DCAF4: variants seen among roughly 807,000 people sequenced by gnomAD.
The protein encoded by DCAF4 is DDB1 and CUL4 associated factor 4, also known as DDB1- and CUL4-associated factor 4.
In DCAF4, 37 loss-of-function variants were observed where a neutral mutation model predicts 60.9. The ratio of observed to expected loss-of-function variants is 0.61; its 90% CI spans 0.47 to 0.80. DCAF4 has a LOEUF of 0.80. Ranked by LOEUF, DCAF4 falls within the 30% of genes least tolerant of loss-of-function variation. The pLI is 0.00. For missense variants in DCAF4, 577 were observed against 650.0 expected (o/e 0.89, Z 1.22); for synonymous variants, 243 against 254.8 (o/e 0.95, Z 0.44).
At chr14:72,943,227 G>T (rs773476355) in intron 6 of DCAF4, 131 bp downstream of exon 6, 2 of 803,490 alleles carry the variant, frequency 2.5e-6, no homozygotes, top group Non-Finnish European at 4.0e-6. Context: ...CATCTTCTTG[G>T]TTGTACGATT....
downstream of DCAF4, chr14:72,960,678 C>G (rs1231840475): frequency 2.8e-6 from 3 of 1,065,300 alleles, no homozygotes; most frequent in African/African-American, 5.1e-5. Context: ...GATACCTCAA[C>G]AGGAGAAGTT....
At position 72,959,664 on chromosome 14, in the gene DCAF4, C is replaced by T; in HGVS notation, c.*859C>T. The T allele has an allele frequency of 1.0e-6, 1 of 985,380 alleles. No individual in the cohort carries two copies. 61.0% of individuals were successfully genotyped at this position (985,380 alleles called of 1,614,324 possible). A position where few individuals can be genotyped will look rare whatever the true frequency, so the allele number is the denominator to read the frequency against. ...GAGAAGAATCATGGTGTGACATGCA[C>T]TTCTGTGAATGACTTAGGAGATCAT... On this transcript the variant is annotated 3_prime_UTR_variant, in exon 14 of 14. Transcript: ENST00000358377.
At chr14:72,940,181 A>C in intron 3 of DCAF4, 39 bp from the exon 4 acceptor site, 1 of 1,613,184 alleles carries the variant, frequency 6.2e-7, no homozygotes, top group Middle Eastern at 1.7e-4. Flanking sequence ...GTCAGTTCAC[A>C]GTGGTTGAAA....
intron 1 of DCAF4, chr14:72,929,848 C>CG (rs758696428): frequency 9.6e-5 from 141 of 1,461,892 alleles, no homozygotes; most frequent in Non-Finnish European, 1.2e-4. Context: ...CCCGCGGCGG[C>CG]GGCTGTGCCT....
chr14:72,929,855 G>T (rs1481292864), intron 1 of DCAF4: 2 of 1,474,540 alleles, frequency 1.4e-6, no homozygotes, highest in African/African-American at 1.4e-5. Flanking sequence ...CGGCGGCTGT[G>T]CCTGGGCTTG....
At chr14:72,933,712 C>G (rs1429376525) in intron 1 of DCAF4, among the ~76,000 whole-genome samples, 1 of 152,176 alleles carries the variant, frequency 6.6e-6, no homozygotes, top group Non-Finnish European at 1.5e-5. Context: ...TTTCCCATTG[C>G]CTGCATCTTG....
rs538490282 is a variant in DCAF4, at chr14:72,951,962, G to A, written c.808+85G>A. On this transcript the variant is annotated intron_variant, in intron 9 of 13. Coordinates refer to ENST00000358377, the MANE Select transcript of DCAF4 (RefSeq NM_015604.4). ...GTGGCTTAGAGAGAAGTATGGGGCC[G>A]CTGCAGAGGCACTGTGGGAGGATTC... The A allele has an allele frequency of 3.6e-5, 50 of 1,383,364 alleles. 1 individual carries two copies. Among genetic ancestry groups the A allele is most frequent in the South Asian group, 8.1e-5 (7 of 85,944 alleles). 85.7% of individuals were successfully genotyped at this position (1,383,364 alleles called of 1,614,324 possible). A position where few individuals can be genotyped will look rare whatever the true frequency, so the allele number is the denominator to read the frequency against.
intron 7 of DCAF4, 29 bp from the exon 8 acceptor site, chr14:72,947,113 T>G (rs763273520): frequency 1.2e-6 from 2 of 1,614,122 alleles, no homozygotes; most frequent in Admixed American, 3.3e-5. Context: ...TAGAATAACT[T>G]TCCATCTCGC....
intron 13 of DCAF4, chr14:72,957,770 G>A (rs1892494810): frequency 6.6e-6 from 1 of 152,212 alleles, no homozygotes; most frequent in African/African-American, 2.4e-5. Context: ...TCACAAATGT[G>A]AAATCCATGA....
At chr14:72,929,949 C>T (rs1888316329) in intron 1 of DCAF4, 2 of 908,822 alleles carry the variant, frequency 2.2e-6, no homozygotes, top group South Asian at 1.5e-5. Flanking sequence ...CTCTCCATGG[C>T]GGCCGTGGCG....
chr14:72,946,683 G>A (rs1032067372), intron 7 of DCAF4, among the ~76,000 whole-genome samples: 4 of 152,154 alleles, frequency 2.6e-5, no homozygotes, highest in African/African-American at 7.2e-5. Context: ...CAGCCAGGCC[G>A]CAGCCAGCAC....
rs755635989 is a variant in DCAF4, at chr14:72,939,818, G to C, written c.109G>C (p.Ala37Pro). The change falls in exon 3 of 14, where the codon GCA becomes CCA. Residue 37 changes from alanine (A) to proline (P), a missense_variant. By Grantham distance (27) the Ala-to-Pro change is conservative. Transcript: ENST00000358377. ...TGTCAACAGGTCTGACTCCCGGGCA[G>C]CACAGCCCGCTCACGATTCCGGCCA... ...DSEDRSDSRA[A>P]QPAHDSGHGD... 1.2e-6 allele frequency: 2 copies of C among 1,612,444 alleles called. No homozygotes were observed. Among genetic ancestry groups the C allele is most frequent in the Admixed American group, 3.3e-5 (2 of 59,844 alleles).
rs1307220068 is a variant in DCAF4 at position 72,959,139 on chromosome 14, T to G, written c.*334T>G. 9.8e-6 allele frequency: 10 copies of G among 1,019,844 alleles called. No individual in the cohort carries two copies. Among genetic ancestry groups the G allele is most frequent in the Non-Finnish European group, 1.2e-5 (10 of 852,156 alleles). 63.2% of individuals were successfully genotyped at this position (1,019,844 alleles called of 1,614,324 possible). On this transcript the variant is annotated 3_prime_UTR_variant, in exon 14 of 14. Coordinates refer to ENST00000358377, the MANE Select transcript of DCAF4 (RefSeq NM_015604.4). ...TGAAGATTGGCAAAAACGAAAAGCT[T>G]CTTCCTCCAAGAGCCCATTGAAGAA...
chr14:72,945,506 G>T (rs1166605930), intron 6 of DCAF4, among the ~76,000 whole-genome samples: 1 of 151,508 alleles, frequency 6.6e-6, no homozygotes, highest in Admixed American at 6.6e-5. Flanking sequence ...CTATGTAATA[G>T]GAACTAGCAT....
At chr14:72,935,246 G>A (rs997112340) in intron 1 of DCAF4, 5 of 133,912 alleles carry the variant, frequency 3.7e-5, no homozygotes, top group African/African-American at 1.1e-4. Context: ...CTATTAGTAT[G>A]TGACTTTTTA....
At chr14:72,961,208 C>G (rs1892807366), downstream of DCAF4, among the ~76,000 whole-genome samples, 1 of 152,096 alleles carries the variant, frequency 6.6e-6, no homozygotes, top group African/African-American at 2.4e-5. Context: ...ACACTAACCC[C>G]ACGGCACAGT....
downstream of DCAF4, among the ~76,000 whole-genome samples, chr14:72,961,217 G>A (rs1892808109): frequency 6.6e-6 from 1 of 152,158 alleles, no homozygotes; most frequent in Non-Finnish European, 1.5e-5. Flanking sequence ...CCACGGCACA[G>A]TTTGGGAAAC....
At chr14:72,937,749 CTA>C (rs1386432390) in intron 1 of DCAF4, among the ~76,000 whole-genome samples, 4 of 152,044 alleles carry the variant, frequency 2.6e-5, no homozygotes, top group Non-Finnish European at 4.4e-5. Context: ...GGGTAGGAAA[CTA>C]TGTGGTCGAC....
intron 7 of DCAF4, among the ~76,000 whole-genome samples, chr14:72,946,443 A>G (rs1890755856): frequency 6.6e-6 from 1 of 152,084 alleles, no homozygotes; most frequent in Admixed American, 6.5e-5. Context: ...CCCATAGGGA[A>G]AGAAAAGGAC....
Sources: allele counts gnomAD v4.1 joint callset (sites outside exome capture counted in the v4.1 genomes callset), GRCh38; gene constraint gnomAD v4.1.1; transcripts MANE v1.5; gene names NCBI Gene and HGNC (gene_info 2026-07-23, HGNC 2026-07-21).